Variants in TAT observed in about 807,000 individuals in gnomAD.
The protein encoded by TAT is L-tyrosine:2-oxoglutarate aminotransferase.
In TAT, 35 loss-of-function variants were observed where a neutral mutation model predicts 53.6. The ratio of observed to expected loss-of-function variants is 0.65; its 90% confidence interval spans 0.50 to 0.87. TAT has a LOEUF of 0.87. TAT is among the 40% of genes least tolerant of loss of function. The probability of loss-of-function intolerance (pLI) is 0.00; values close to 1 mark genes in which losing one functional copy is unlikely to be tolerated. For missense variants in TAT, 525 were observed against 571.8 expected (o/e 0.92, Z 0.83); for synonymous variants, 197 against 206.5 (o/e 0.95, Z 0.39).
rs769359202 is a variant in TAT at position 71,570,362 on chromosome 16, A to G, written c.948T>C (p.Ile316=). The G allele has an allele frequency of 6.8e-6, 11 of 1,614,170 alleles. No individual in the cohort carries two copies. The highest frequency in any genetic ancestry group is 7.6e-6 in the Non-Finnish European group (9 of 1,180,026). The change falls in exon 9 of 12, where the codon ATT becomes ATC. Residue 316 remains isoleucine (I), a synonymous_variant. Transcript: ENST00000355962. Reference sequence around the variant, plus strand: ...CCTGGACAATGGTACAGGGTCCCAAAATGCGCTGACTCAGCTTCACCAGCC... The same window carrying G: ...CCTGGACAATGGTACAGGGTCCCAAGATGCGCTGACTCAGCTTCACCAGCC... ...RDGLVKLSQR[I]LGPCTIVQGA...
At chr16:71,572,076 C>T (rs557552127) in intron 6 of TAT, 110 bp downstream of exon 6, 265 of 1,391,000 alleles carry the variant, frequency 1.9e-4, no homozygotes, top group Non-Finnish European at 2.5e-4. Context: ...TGGAGCTCCC[C>T]ACCTCCACCC....
chr16:71,575,879 A>C, intron 3 of TAT, 43 bp downstream of exon 3: 1 of 1,564,366 alleles, frequency 6.4e-7, no homozygotes, highest in Non-Finnish European at 8.8e-7. Context: ...AGAGCACTAA[A>C]GATTTGGCAG....
chr16:71,573,297 C>T (rs1449271463), intron 4 of TAT, among the ~76,000 whole-genome samples: 6 of 152,102 alleles, frequency 3.9e-5, no homozygotes, highest in Non-Finnish European at 7.3e-5. Flanking sequence ...TGGATCCTTT[C>T]GGCCTCCTTG....
intron 6 of TAT, 68 bp from the exon 7 acceptor site, chr16:71,571,726 T>A: frequency 7.1e-7 from 1 of 1,410,740 alleles, no homozygotes; most frequent in Non-Finnish European, 1.0e-6. Flanking sequence ...TCACATAATA[T>A]CATGTAATTT....
At chr16:71,575,612 C>A (rs1323202931) in intron 3 of TAT, 38 of 424,478 alleles carry the variant, frequency 9.0e-5, no homozygotes, top group Non-Finnish European at 1.1e-4. Flanking sequence ...AAGCTCCTGC[C>A]AGACTCAAGG....
intron 3 of TAT, among the ~76,000 whole-genome samples, chr16:71,574,901 T>G (rs1249021117): frequency 1.3e-5 from 2 of 152,202 alleles, no homozygotes; most frequent in Non-Finnish European, 2.9e-5. Flanking sequence ...ACTTCCTTAA[T>G]TACTAATGAG....
chr16:71,576,332 G>C lies in TAT; in HGVS notation c.84C>G (p.Ser28Arg). The C allele has an allele frequency of 6.2e-7, 1 of 1,614,188 alleles. No individual in the cohort carries two copies. The highest frequency in any genetic ancestry group is 2.2e-5 in the East Asian group (1 of 44,884). Residue 28 changes from serine to arginine, a missense_variant, in exon 2 of 12, where the codon AGC becomes AGG. Ser to Arg is a moderately radical substitution (Grantham distance 110). Transcript: ENST00000355962. ...LDVHVNVGGR[S>R]SVPGKMKGRK... ...TGCCTTTCATTTTTCCCGGCACAGA[G>C]CTTCTCCCACCAACGTTGACATGCA...
Position 71,570,163 on chromosome 16 carries a change from A to C in TAT, c.1041+106T>G. On this transcript the variant is annotated intron_variant, in intron 9 of 11. Transcript: ENST00000355962. Reference sequence around the variant, plus strand: ...GATGCTTACACCGATGCCGTCTCCTAATATTGGAACATGGCTCCAGAAAGG... The same window carrying C: ...GATGCTTACACCGATGCCGTCTCCTCATATTGGAACATGGCTCCAGAAAGG... 3 of 1,563,546 alleles carry C rather than the reference A, an allele frequency of 1.9e-6. No homozygotes were observed. The South Asian group carries it at 3.5e-5, about 18-fold the overall frequency.
intron 11 of TAT, chr16:71,568,496 C>T (rs1047122730): frequency 1.5e-5 from 10 of 684,508 alleles, no homozygotes; most frequent in Admixed American, 4.9e-5. Flanking sequence ...TCACCTAGAA[C>T]GTTTGTTTAC....
chr16:71,567,721 C>G lies in TAT; in HGVS notation c.*423G>C. 4.2e-6 allele frequency: 1 copy of G among 237,692 alleles called. No homozygotes were observed. The highest frequency in any genetic ancestry group is 8.3e-6 in the Non-Finnish European group (1 of 119,824). The allele number at this position is 237,692 out of a possible 1,614,324, so 14.7% of individuals were successfully genotyped here. ...GCAATAAGAGAGTTGAGCTTCAGAC[C>G]TGCCTGGAGAGAGCGTGTTCTTTCT... On this transcript the variant is annotated 3_prime_UTR_variant, in exon 12 of 12. Transcript: ENST00000355962.
Position 71,572,432 on chromosome 16 carries a change from A to G in TAT, c.567+98T>C, listed in dbSNP as rs528509201. The G allele has an allele frequency of 5.0e-5, 81 of 1,607,148 alleles. No individual in the cohort carries two copies. The East Asian group carries it at 9.8e-4, about 19-fold the overall frequency. On this transcript the variant is annotated intron_variant, in intron 5 of 11. Coordinates refer to ENST00000355962, the MANE Select transcript of TAT (RefSeq NM_000353.3). ...GCAATAAAGTCTGTCTCTGGCTTCA[A>G]CCACCACTTTGAGACCTTCCTCTGC...
chr16:71,568,085 G>T lies in TAT; in HGVS notation c.*59C>A. Reference sequence around the variant, plus strand: ...GGGCCACCTGAGTCCCTGAGGAGCCGCAAGGCCTAGTCCAGCCTTCCCTAG... The same window carrying T: ...GGGCCACCTGAGTCCCTGAGGAGCCTCAAGGCCTAGTCCAGCCTTCCCTAG... On this transcript the variant is annotated 3_prime_UTR_variant, in exon 12 of 12. Coordinates refer to ENST00000355962, the MANE Select transcript of TAT (RefSeq NM_000353.3). 3 of 1,610,250 alleles carry T rather than the reference G, an allele frequency of 1.9e-6. No individual in the cohort carries two copies. The highest frequency in any genetic ancestry group is 1.7e-6 in the Non-Finnish European group (2 of 1,177,050).
Position 71,568,719 on chromosome 16 carries a change from G to A in TAT, c.1216C>T (p.Pro406Ser), listed in dbSNP as rs2044180590. 3.1e-6 allele frequency: 5 copies of A among 1,613,268 alleles called. No individual in the cohort carries two copies. The highest frequency in any genetic ancestry group is 4.2e-6 in the Non-Finnish European group (5 of 1,179,508). ...LVAEQSVHCLPATCFEYPNFI... is the reference protein window; with the variant it reads ...LVAEQSVHCLSATCFEYPNFI... ...GGGACACAGGCACCCACCGTTGCTG[G>A]GAGGCAGTGGACAGACTGCTCAGCA... The change falls in exon 11 of 12, where the codon CCA becomes TCA. Residue 406 changes from proline (P) to serine (S), a missense_variant. Physicochemically the swap from Pro to Ser is moderately conservative, Grantham distance 74. Coordinates refer to ENST00000355962, the MANE Select transcript of TAT (RefSeq NM_000353.3).
At chr16:71,570,919 C>T in intron 7 of TAT, 88 bp from the exon 8 acceptor site, 3 of 1,496,006 alleles carry the variant, frequency 2.0e-6, no homozygotes, top group Non-Finnish European at 2.7e-6. Context: ...TTCCTTCTAT[C>T]ACTAGGGACA....
In TAT at chr16:71,576,334, T is replaced by G; in HGVS notation, c.82A>C (p.Ser28Arg). ...LDVHVNVGGR[S>R]SVPGKMKGRK... Reference sequence around the variant, plus strand: ...CCTTTCATTTTTCCCGGCACAGAGCTTCTCCCACCAACGTTGACATGCACG... The same window carrying G: ...CCTTTCATTTTTCCCGGCACAGAGCGTCTCCCACCAACGTTGACATGCACG... Residue 28 changes from serine (S) to arginine (R), a missense_variant, in exon 2 of 12, where the codon AGC becomes CGC. Transcript: ENST00000355962. 6.2e-7 allele frequency: 1 copy of G among 1,614,180 alleles called. No homozygotes were observed. Among genetic ancestry groups the G allele is most frequent in the Non-Finnish European group, 8.5e-7 (1 of 1,180,034 alleles).
At chr16:71,573,634 T>A (rs1419963039) in intron 3 of TAT, 28 bp from the exon 4 acceptor site, 1 of 1,547,428 alleles carries the variant, frequency 6.5e-7, no homozygotes, top group Non-Finnish European at 8.7e-7. Context: ...AAAGTGGAGC[T>A]TTTTTGGTTT....
intron 3 of TAT, 157 bp downstream of exon 3, chr16:71,575,765 G>A (rs551445883): frequency 2.2e-5 from 18 of 816,348 alleles, no homozygotes; most frequent in African/African-American, 1.2e-4. Flanking sequence ...TAAGCATCCC[G>A]AGACCCGGTT....
At chr16:71,570,155 C>A in intron 9 of TAT, 114 bp downstream of exon 9, 1 of 1,532,152 alleles carries the variant, frequency 6.5e-7, no homozygotes, top group Non-Finnish European at 8.9e-7. Flanking sequence ...ACACCGATGC[C>A]GTCTCCTAAT....
intron 3 of TAT, among the ~76,000 whole-genome samples, chr16:71,574,095 C>T (rs1049194650): frequency 5.9e-5 from 9 of 152,220 alleles, no homozygotes; most frequent in African/African-American, 1.7e-4. Context: ...AGCTCTCAGC[C>T]ATTGTGGATA....
Sources: allele counts gnomAD v4.1 joint callset (sites outside exome capture counted in the v4.1 genomes callset), GRCh38; gene constraint gnomAD v4.1.1; transcripts MANE v1.5; gene names NCBI Gene and HGNC (gene_info 2026-07-23, HGNC 2026-07-21).